The following PDHA1 variants were observed in gnomAD, a reference collection of about 807,000 sequenced individuals.
The protein encoded by PDHA1 is pyruvate dehydrogenase E1 component subunit alpha, somatic form, mitochondrial.
Under a neutral mutation model 33.0 loss-of-function variants are expected in PDHA1, and 1 was observed. The observed-to-expected ratio is 0.03, with a 90% CI of 0.01 to 0.14. The LOEUF (loss-of-function observed/expected upper bound fraction) is 0.14, where lower values mean the gene tolerates loss of function less well. Ranked by LOEUF, PDHA1 falls within the 10% of genes least tolerant of loss-of-function variation. The pLI is 1.00. For missense variants in PDHA1, 168 were observed against 325.1 expected (o/e 0.52, Z 3.72); for synonymous variants, 123 against 119.2 (o/e 1.03, Z -0.21).
Position 19,360,459 on chromosome X carries a change from A to G in PDHA1, c.*806A>G, listed in dbSNP as rs973986297. 2.5e-5 allele frequency: 6 copies of G among 241,204 alleles called. No homozygotes were observed. The highest frequency in any genetic ancestry group is 4.5e-5 in the Non-Finnish European group (6 of 134,234). 19.9% of individuals were successfully genotyped at this position (241,204 alleles called of 1,213,427 possible). ...CCTCCACACCTCCTGGGCTCAAGCA[A>G]TCCTCCCACCTCAGCCTCCTGCATA... On this transcript the variant is annotated 3_prime_UTR_variant, in exon 11 of 11. Coordinates refer to ENST00000422285, the MANE Select transcript of PDHA1 (RefSeq NM_000284.4).
intron 3 of PDHA1, 24 bp downstream of exon 3, chrX:19,350,134 A>G (rs1222570694): frequency 2.4e-5 from 27 of 1,128,213 alleles, no homozygotes; most frequent in Non-Finnish European, 3.3e-5. Flanking sequence ...TTGTGGTGGA[A>G]CTGTGTTATT....
intron 8 of PDHA1, 30 bp from the exon 9 acceptor site, chrX:19,357,622 C>G (rs375729430): frequency 1.7e-6 from 2 of 1,169,676 alleles, no homozygotes; most frequent in East Asian, 3.0e-5. Flanking sequence ...TCGTTCCTAA[C>G]TAACTAACTG....
intron 9 of PDHA1, among the ~76,000 whole-genome samples, chrX:19,358,032 C>CT (rs1195597877): frequency 9.1e-6 from 1 of 109,501 alleles, no homozygotes; most frequent in African/African-American, 3.3e-5. Context: ...GGGCATTTAG[C>CT]TTTTGTAGGC....
intron 1 of PDHA1, 121 bp downstream of exon 1, chrX:19,344,215 C>A (rs1259452628): frequency 1.7e-6 from 1 of 588,226 alleles, no homozygotes; most frequent in African/African-American, 2.3e-5. Flanking sequence ...AGCCGGGGAG[C>A]CTTTACTTCG....
At chrX:19,349,542 A>C (rs1469894456) in intron 2 of PDHA1, among the ~76,000 whole-genome samples, 171 bp downstream of exon 2, 2 of 112,181 alleles carry the variant, frequency 1.8e-5, no homozygotes, top group Non-Finnish European at 3.8e-5. Context: ...TATTATTAGC[A>C]GCTTGCTGTT....
chrX:19,348,800 C>T (rs373582126), intron 1 of PDHA1, among the ~76,000 whole-genome samples: 2 of 111,381 alleles, frequency 1.8e-5, no homozygotes, highest in East Asian at 2.8e-4. Flanking sequence ...AAAAATTAGC[C>T]GGGCGTGGTG....
rs768422526 is a variant in PDHA1 at position 19,361,087 on chromosome X, G to A, written c.*1434G>A. ...GGGGGTGGGTCCAGCGTGCAGGCAC[G>A]CTTGCCATGTGCCTCCACCCACTCC... On this transcript the variant is annotated 3_prime_UTR_variant, in exon 11 of 11. Coordinates refer to ENST00000422285, the MANE Select transcript of PDHA1 (RefSeq NM_000284.4). The A allele has an allele frequency of 2.1e-4, 89 of 418,216 alleles. No individual in the cohort carries two copies. Among genetic ancestry groups the A allele is most frequent in the Non-Finnish European group, 3.1e-4 (76 of 243,105 alleles). The allele number at this position is 418,216 out of a possible 1,213,427, so 34.5% of individuals were successfully genotyped here.
At chrX:19,349,251 C>T in intron 1 of PDHA1, 61 bp from the exon 2 acceptor site, 1 of 771,535 alleles carries the variant, frequency 1.3e-6, no homozygotes, top group Non-Finnish European at 2.0e-6. Context: ...GATTATTATA[C>T]TTTCCAAAAT....
At chrX:19,345,754 C>CG (rs1240619732) in intron 1 of PDHA1, 1 of 272,447 alleles carries the variant, frequency 3.7e-6, no homozygotes, top group Non-Finnish European at 7.0e-6. Flanking sequence ...GTCCCCCCCC[C>CG]CCCGCCACCT....
chrX:19,343,949 T>C lies in PDHA1; in HGVS notation c.-89T>C. 1.2e-6 allele frequency: 1 copy of C among 852,988 alleles called. No individual in the cohort carries two copies. The highest frequency in any genetic ancestry group is 2.1e-5 in the South Asian group (1 of 48,086). 70.3% of individuals were successfully genotyped at this position (852,988 alleles called of 1,213,427 possible). On this transcript the variant is annotated 5_prime_UTR_variant, in exon 1 of 11. Transcript: ENST00000422285. ...CGCGGTGCGACTGAGGCGTGGCGTC[T>C]GCTGGGGCACCTGAAGGAGACTTGG...
intron 1 of PDHA1, chrX:19,346,493 A>T: frequency 2.2e-6 from 1 of 446,331 alleles, no homozygotes. Flanking sequence ...CAATTAAAAA[A>T]ATTTTTTTTT....
At position 19,359,914 on chromosome X, in the gene PDHA1, A is replaced by C; in HGVS notation, c.*261A>C. 1 of 371,431 alleles carries C rather than the reference A, an allele frequency of 2.7e-6. No homozygotes were observed. The highest frequency in any genetic ancestry group is 4.0e-5 in the Admixed American group (1 of 24,916). 30.6% of individuals were successfully genotyped at this position (371,431 alleles called of 1,213,427 possible). A position where few individuals can be genotyped will look rare whatever the true frequency, so the allele number is the denominator to read the frequency against. ...ACTCTAATTATGAAAAGGAAGAACA[A>C]TTCCTTGTATGCCTGTTTCCCCTGC... On this transcript the variant is annotated 3_prime_UTR_variant, in exon 11 of 11. Coordinates refer to ENST00000422285, the MANE Select transcript of PDHA1 (RefSeq NM_000284.4).
chrX:19,361,319 A>G lies in PDHA1; in HGVS notation c.*1666A>G, dbSNP rs1212056929. 8.6e-7 allele frequency: 1 copy of G among 1,165,549 alleles called. No individual in the cohort carries two copies. The highest frequency in any genetic ancestry group is 2.3e-5 in the Admixed American group (1 of 44,348). Reference sequence around the variant, plus strand: ...ATAAAAAGTTGTATTCTCTTATACAAACTGTTTTGAGGCTCTTACCGTAGT... The same window carrying G: ...ATAAAAAGTTGTATTCTCTTATACAGACTGTTTTGAGGCTCTTACCGTAGT... On this transcript the variant is annotated 3_prime_UTR_variant, in exon 11 of 11. Transcript: ENST00000422285.
At chrX:19,351,776 CTATT>C (rs1284763242) in intron 4 of PDHA1, among the ~76,000 whole-genome samples, 4 of 97,323 alleles carry the variant, frequency 4.1e-5, no homozygotes, top group African/African-American at 1.6e-4. Context: ...TCCCCCGTGA[CTATT>C]TGTTTGTTTT....
rs1438565162 is a variant in PDHA1 at position 19,361,009 on chromosome X, G to C, written c.*1356G>C. On this transcript the variant is annotated 3_prime_UTR_variant, in exon 11 of 11. Coordinates refer to ENST00000422285, the MANE Select transcript of PDHA1 (RefSeq NM_000284.4). ...CCTTAGAGGTACGTACCTGCAGAGAGCTGGCTATTTCAAATGACTCGGGAA... is the reference window on the plus strand; with the variant it reads ...CCTTAGAGGTACGTACCTGCAGAGACCTGGCTATTTCAAATGACTCGGGAA... The C allele has an allele frequency of 1.6e-5, 7 of 425,424 alleles. No homozygotes were observed. Among genetic ancestry groups the C allele is most frequent in the Non-Finnish European group, 2.4e-5 (6 of 248,881 alleles). 35.1% of individuals were successfully genotyped at this position (425,424 alleles called of 1,213,427 possible).
In PDHA1 at chrX:19,344,113, GC is replaced by G. The variant is rs1569188188; in HGVS notation, c.57+21del. 1 of 1,181,762 alleles carries G rather than the reference GC, an allele frequency of 8.5e-7. No homozygotes were observed. The highest frequency in any genetic ancestry group is 2.2e-5 in the Admixed American group (1 of 44,847). On this transcript the variant is annotated intron_variant, in intron 1 of 10. Coordinates refer to ENST00000422285, the MANE Select transcript of PDHA1 (RefSeq NM_000284.4). ...GAAGCCGGTGAGACCTCCCGGGCGG[GC>G]CGGGATGGGGCGCGAGTGGGGCTGA...
At chrX:19,346,478 C>T in intron 1 of PDHA1, 1 of 425,089 alleles carries the variant, frequency 2.4e-6, no homozygotes, top group African/African-American at 2.5e-5. Flanking sequence ...ACCACCACAC[C>T]CAGCCAATTA....
intron 10 of PDHA1, 136 bp from the exon 11 acceptor site, chrX:19,359,353 C>T (rs373888669): frequency 1.6e-5 from 9 of 553,200 alleles, no homozygotes; most frequent in Admixed American, 1.0e-4. Flanking sequence ...ATCTGTATTC[C>T]AAAATCTTCT....
Position 19,355,501 on chromosome X carries a change from G to A in PDHA1, c.756G>A (p.Leu252=), listed in dbSNP as rs768600287. 2 of 1,207,152 alleles carry A rather than the reference G, an allele frequency of 1.7e-6. No homozygotes were observed. The highest frequency in any genetic ancestry group is 4.4e-5 in the Admixed American group (2 of 45,730). Residue 252 remains leucine, a synonymous_variant, in exon 7 of 11, where the codon CTG becomes CTA. Transcript: ENST00000422285. The part of the protein sequence containing the change: ...YYKRGDFIPG[L]RVDGMDILCV... ...AGAGAGGCGATTTCATTCCTGGGCT[G>A]AGAGTAAGGACACCTGTGGTGGGGC...
Sources: gnomAD v4.1 joint callset for allele counts (sites outside exome capture counted in the v4.1 genomes callset) on GRCh38, gnomAD v4.1.1 for gene constraint, MANE v1.5 for transcripts, NCBI Gene and HGNC (gene_info 2026-07-23, HGNC 2026-07-21) for gene names.